TEAD4: variants seen among roughly 807,000 people sequenced by gnomAD.
TEAD4 encodes the protein TEA domain transcription factor 4.
In TEAD4, 36 loss-of-function variants were observed where a neutral mutation model predicts 52.4. That is an observed-to-expected ratio of 0.69 (90% CI 0.53 to 0.91). TEAD4 has a LOEUF of 0.91. Among genes scored for constraint, TEAD4 ranks in the 40% least tolerant of loss-of-function variants. The probability of loss-of-function intolerance (pLI) is 0.00; values close to 1 mark genes in which losing one functional copy is unlikely to be tolerated. For missense variants in TEAD4, 508 were observed against 583.9 expected (o/e 0.87, Z 1.34); for synonymous variants, 220 against 231.0 (o/e 0.95, Z 0.43).
intron 6 of TEAD4, among the ~76,000 whole-genome samples, chr12:3,017,931 G>C (rs147083283): frequency 6.6e-6 from 1 of 152,290 alleles, no homozygotes; most frequent in African/African-American, 2.4e-5. Flanking sequence ...GTGGAGAGCT[G>C]GTGCCCCAAA....
intron 5 of TEAD4, among the ~76,000 whole-genome samples, chr12:3,015,907 G>A (rs865915296): frequency 1.4e-4 from 22 of 152,196 alleles, no homozygotes; most frequent in East Asian, 5.8e-4. Context: ...GGGTGGGGGC[G>A]GTGGCTCATG....
chr12:2,963,066 G>A (rs1454455550), intron 2 of TEAD4, among the ~76,000 whole-genome samples: 1 of 152,194 alleles, frequency 6.6e-6, no homozygotes, highest in Non-Finnish European at 1.5e-5. Flanking sequence ...AGCTGTTCTG[G>A]GGAAGGAGCC....
At position 3,027,592 on chromosome 12, in the gene TEAD4, C is replaced by T. The variant is rs569011833; in HGVS notation, c.897+5575C>T. Among the ~76,000 whole-genome samples, 19 of 152,210 alleles carry T rather than the reference C, an allele frequency of 1.2e-4. No individual in the cohort carries two copies. In the South Asian group the frequency reaches 1.9e-3, roughly 15 times the overall value. On this transcript the variant is annotated intron_variant, in intron 10 of 12. Transcript: ENST00000359864. Reference sequence around the variant, plus strand: ...AAAAATAATACAAAAATTAGTCAGGCGTGATGGCATGTGCCAGTAACCCCT... The same window carrying T: ...AAAAATAATACAAAAATTAGTCAGGTGTGATGGCATGTGCCAGTAACCCCT...
intron 8 of TEAD4, among the ~76,000 whole-genome samples, chr12:3,019,391 C>T (rs1247589916): frequency 1.3e-5 from 2 of 152,252 alleles, no homozygotes; most frequent in Non-Finnish European, 2.9e-5. Flanking sequence ...GGTTGCCTTG[C>T]TCCTGTCCCC....
At chr12:3,033,678 C>G (rs994200163) in intron 10 of TEAD4, among the ~76,000 whole-genome samples, 3 of 152,206 alleles carry the variant, frequency 2.0e-5, no homozygotes, top group Non-Finnish European at 4.4e-5. Flanking sequence ...TGTCAGTCAC[C>G]CGATCCCCCA....
rs1491285464 is a variant in TEAD4, at chr12:2,962,325, TAA to T, written c.-30+2287_-30+2288del. Among the ~76,000 whole-genome samples the T allele has an allele frequency of 8.3e-4, 80 of 96,542 alleles. 1 individual carries two copies. The highest frequency in any genetic ancestry group is 3.7e-3 in the African/African-American group (70 of 18,970). 63.3% of individuals were successfully genotyped at this position (96,542 alleles called of 152,430 possible). On this transcript the variant is annotated intron_variant, in intron 2 of 12. Coordinates refer to ENST00000359864, the MANE Select transcript of TEAD4 (RefSeq NM_003213.4). ...AAATATAAATATATAAATATATATA[TAA>T]ATATAAATATATATATATATTTTTT...
intron 2 of TEAD4, among the ~76,000 whole-genome samples, chr12:2,962,166 C>T (rs7965362): frequency 0.02 from 3,052 of 149,366 alleles, 114 homozygotes; most frequent in African/African-American, 0.07. Flanking sequence ...GCTCTGTCGC[C>T]TAGGCAGTAG....
intron 2 of TEAD4, among the ~76,000 whole-genome samples, chr12:2,983,681 T>A (rs1375826922): frequency 2.0e-5 from 3 of 152,270 alleles, no homozygotes; most frequent in Non-Finnish European, 2.9e-5. Flanking sequence ...AAGCTCTTTT[T>A]CTGGTATGCC....
At chr12:3,030,863 A>G (rs1457990219) in intron 10 of TEAD4, among the ~76,000 whole-genome samples, 1 of 152,132 alleles carries the variant, frequency 6.6e-6, no homozygotes, top group Admixed American at 6.5e-5. Flanking sequence ...AATATTTGTT[A>G]GCCCTTCTCC....
In TEAD4 at chr12:2,968,491, G is replaced by A. The variant is rs557838166; in HGVS notation, c.-30+8451G>A. The stretch of plus-strand genomic sequence containing the variant: ...CAGCTCACTGTGGCCTCAACCTCCC[G>A]CGCCCAAGTGATCCTCCCACCTCAG... On this transcript the variant is annotated intron_variant, in intron 2 of 12. Transcript: ENST00000359864. 7.0e-5 allele frequency among the ~76,000 whole-genome samples: 9 copies of A among 129,418 alleles called. No individual in the cohort carries two copies. In the South Asian group the frequency reaches 1.1e-3, roughly 16 times the overall value. The allele number at this position is 129,418 out of a possible 152,430, so 84.9% of individuals were successfully genotyped here.
chr12:3,038,300 A>C (rs2153958826), intron 11 of TEAD4, among the ~76,000 whole-genome samples, 192 bp downstream of exon 11: 1 of 152,320 alleles, frequency 6.6e-6, no homozygotes, highest in East Asian at 1.9e-4. Context: ...CCAGCTAACC[A>C]GAGCCATTGC....
chr12:3,008,932 C>G (rs973293890), intron 3 of TEAD4, among the ~76,000 whole-genome samples: 4 of 152,226 alleles, frequency 2.6e-5, no homozygotes, highest in African/African-American at 9.6e-5. Context: ...TTGGGAACCT[C>G]TCTTCTTCCC....
chr12:3,039,742 C>CAGTG (rs1463230340), intron 11 of TEAD4, among the ~76,000 whole-genome samples: 2 of 152,222 alleles, frequency 1.3e-5, no homozygotes, highest in Non-Finnish European at 2.9e-5. Context: ...GGCTGGAATG[C>CAGTG]AGTGGTACGA....
In TEAD4 at chr12:3,036,654, G is replaced by A. The variant is rs529456241; in HGVS notation, c.898-1314G>A. Among the ~76,000 whole-genome samples the A allele has an allele frequency of 2.6e-5, 4 of 152,268 alleles. No homozygotes were observed. In the East Asian group the frequency reaches 7.7e-4, roughly 29 times the overall value. The stretch of plus-strand genomic sequence containing the variant: ...AGACCGGGGTGTGGGTGGGAGGAGC[G>A]GCCTCCCCTGAGAATAAGCCTTTGT... On this transcript the variant is annotated intron_variant, in intron 10 of 12. Coordinates refer to ENST00000359864, the MANE Select transcript of TEAD4 (RefSeq NM_003213.4).
chr12:3,011,148 C>T, intron 4 of TEAD4, 80 bp downstream of exon 4: 2 of 1,481,486 alleles, frequency 1.3e-6, no homozygotes, highest in Non-Finnish European at 1.9e-6. Context: ...CAGGCCCTCC[C>T]AGGACCAGAC....
chr12:2,997,607 A>G (rs887647087), intron 3 of TEAD4, among the ~76,000 whole-genome samples: 17 of 152,170 alleles, frequency 1.1e-4, no homozygotes, highest in Middle Eastern at 3.4e-3. Flanking sequence ...GACCCTTCAC[A>G]GGGCAGGTCT....
intron 2 of TEAD4, among the ~76,000 whole-genome samples, chr12:2,969,815 A>G (rs2098223630): frequency 6.6e-6 from 1 of 152,242 alleles, no homozygotes; most frequent in South Asian, 2.1e-4. Flanking sequence ...TCTTGCCCTG[A>G]GGCTGGAGGG....
intron 3 of TEAD4, among the ~76,000 whole-genome samples, chr12:3,007,216 CTG>C (rs1304805283): frequency 1.1e-4 from 16 of 152,276 alleles, no homozygotes; most frequent in Middle Eastern, 3.4e-3. Flanking sequence ...GCTGAGTCCT[CTG>C]TGATGTTTGG....
intron 10 of TEAD4, among the ~76,000 whole-genome samples, chr12:3,033,095 T>C (rs1469510005): frequency 6.6e-6 from 1 of 152,190 alleles, no homozygotes; most frequent in Non-Finnish European, 1.5e-5. Context: ...TTCTCAGTCC[T>C]GGCTCCCAGG....
Sources: gnomAD v4.1 joint callset for allele counts (sites outside exome capture counted in the v4.1 genomes callset) on GRCh38, gnomAD v4.1.1 for gene constraint, MANE v1.5 for transcripts, NCBI Gene and HGNC (gene_info 2026-07-23, HGNC 2026-07-21) for gene names.